The following ASIC2 variants were observed in gnomAD, a reference collection of about 807,000 sequenced individuals.
ASIC2 encodes the protein acid-sensing ion channel 2.
Under a neutral mutation model 57.3 loss-of-function variants are expected in ASIC2, and 25 were observed. That is an observed-to-expected ratio of 0.44 (90% CI 0.32 to 0.61). ASIC2 has a LOEUF of 0.61. Among genes scored for constraint, ASIC2 ranks in the 20% least tolerant of loss-of-function variants. The pLI is 0.06. For synonymous variants in ASIC2, 319 were observed against 307.5 expected (o/e 1.04, Z -0.39); for missense variants, 641 against 738.1 (o/e 0.87, Z 1.52).
intron 1 of ASIC2, among the ~76,000 whole-genome samples, chr17:34,042,208 C>G (rs956965332): frequency 2.0e-5 from 3 of 152,140 alleles, no homozygotes; most frequent in African/African-American, 7.2e-5. Flanking sequence ...TATGACACAG[C>G]CCTTTCACCT....
At chr17:33,307,295 CTT>C (rs1906223693) in intron 1 of ASIC2, among the ~76,000 whole-genome samples, 1 of 151,156 alleles carries the variant, frequency 6.6e-6, no homozygotes, top group African/African-American at 2.4e-5. Context: ...TCTTCTTCTT[CTT>C]CTTCTTCTTT....
chr17:34,024,635 T>C (rs78926453), intron 1 of ASIC2, among the ~76,000 whole-genome samples: 264 of 152,350 alleles, frequency 1.7e-3, no homozygotes, highest in African/African-American at 6.2e-3. Context: ...TGGGTTTCCA[T>C]TGCCTGTTTC....
intron 1 of ASIC2, among the ~76,000 whole-genome samples, chr17:33,662,994 T>C (rs1907341863): frequency 1.3e-5 from 2 of 152,302 alleles, no homozygotes; most frequent in Non-Finnish European, 2.9e-5. Flanking sequence ...GTGGCCTTTT[T>C]GCTGACTCTT....
intron 1 of ASIC2, among the ~76,000 whole-genome samples, chr17:34,117,568 T>A (rs541432324): frequency 6.6e-6 from 1 of 152,200 alleles, no homozygotes; most frequent in Admixed American, 6.5e-5. Flanking sequence ...GAACCTGGGG[T>A]CCAGACTGGG....
rs1371585830 is a variant in ASIC2 at position 33,464,454 on chromosome 17, T to C, written c.556-352387A>G. ...CTACATCATTCTACACATGCCTCTT[T>C]TTCTCTTTCTTTCTTTCTTTCTTTT... On this transcript the variant is annotated intron_variant, in intron 1 of 9. Coordinates refer to the ASIC2 transcript ENST00000359872. Among the ~76,000 whole-genome samples, 4 of 59,114 alleles carry C rather than the reference T, an allele frequency of 6.8e-5. No individual in the cohort carries two copies. In the East Asian group the frequency reaches 1.3e-3, roughly 20 times the overall value. The allele number at this position is 59,114 out of a possible 152,430, so 38.8% of individuals were successfully genotyped here.
intron 1 of ASIC2, among the ~76,000 whole-genome samples, chr17:33,464,681 CTCTCTCTATA>C (rs1405560550): frequency 3.9e-5 from 4 of 103,896 alleles, no homozygotes; most frequent in Admixed American, 9.7e-5. Context: ...CTCTCTCTCT[CTCTCTCTATA>C]TATATATATA....
At chr17:33,343,177 G>T (rs1468358209) in intron 1 of ASIC2, among the ~76,000 whole-genome samples, 2 of 152,154 alleles carry the variant, frequency 1.3e-5, no homozygotes, top group African/African-American at 2.4e-5. Flanking sequence ...GAGCCCAGAT[G>T]GGTCCTGCCC....
At chr17:33,668,062 T>C (rs1242618975) in intron 1 of ASIC2, among the ~76,000 whole-genome samples, 1 of 152,124 alleles carries the variant, frequency 6.6e-6, no homozygotes, top group Non-Finnish European at 1.5e-5. Context: ...CACCGCCATT[T>C]TGCATACATA....
chr17:33,465,378 T>C (rs542008374), intron 1 of ASIC2, among the ~76,000 whole-genome samples: 8 of 146,854 alleles, frequency 5.4e-5, no homozygotes, highest in African/African-American at 1.3e-4. Flanking sequence ...TTTTCTTTTT[T>C]TTTTTTTTTT....
chr17:33,719,732 T>C (rs1909330210), intron 1 of ASIC2, among the ~76,000 whole-genome samples: 1 of 152,146 alleles, frequency 6.6e-6, no homozygotes, highest in South Asian at 2.1e-4. Context: ...GGCAAGAAGA[T>C]TGGCTTCTCA....
At chr17:34,067,242 G>A (rs1466594090) in intron 1 of ASIC2, among the ~76,000 whole-genome samples, 1 of 152,180 alleles carries the variant, frequency 6.6e-6, no homozygotes, top group Admixed American at 6.5e-5. Context: ...GTCCTTTGTA[G>A]TGGTAAGTGT....
At chr17:33,889,088 G>A (rs1398749343) in intron 1 of ASIC2, among the ~76,000 whole-genome samples, 1 of 152,160 alleles carries the variant, frequency 6.6e-6, no homozygotes, top group African/African-American at 2.4e-5. Flanking sequence ...CCTCCTAGGA[G>A]CCTGTTCAGT....
At chr17:33,200,814 A>G (rs912926593) in intron 1 of ASIC2, among the ~76,000 whole-genome samples, 3 of 152,056 alleles carry the variant, frequency 2.0e-5, no homozygotes, top group Non-Finnish European at 2.9e-5. Context: ...CAATCCTCCA[A>G]TGACTCTCCA....
In ASIC2 at chr17:33,425,919, C is replaced by T. The variant is rs141375218; in HGVS notation, c.556-313852G>A. On this transcript the variant is annotated intron_variant, in intron 1 of 9. Coordinates refer to the ASIC2 transcript ENST00000359872. Reference sequence around the variant, plus strand: ...CCTGCCCCTAGGAGACCCGGTCAGGCGCAGCGCCAACAAAAATGGCTGTAG... The same window carrying T: ...CCTGCCCCTAGGAGACCCGGTCAGGTGCAGCGCCAACAAAAATGGCTGTAG... Among the ~76,000 whole-genome samples, 627 of 152,148 alleles carry T rather than the reference C, an allele frequency of 4.1e-3. 2 individuals are homozygous for T. Among genetic ancestry groups the T allele is most frequent in the South Asian group, 6.9e-3 (33 of 4,798 alleles).
chr17:34,131,703 A>G (rs1332695220), intron 1 of ASIC2, among the ~76,000 whole-genome samples: 1 of 152,208 alleles, frequency 6.6e-6, no homozygotes, highest in Non-Finnish European at 1.5e-5. Context: ...CAAAGGAGAA[A>G]TATTTCAGTC....
At chr17:33,260,001 G>A (rs955102664) in intron 1 of ASIC2, among the ~76,000 whole-genome samples, 24 of 152,166 alleles carry the variant, frequency 1.6e-4, no homozygotes, top group Admixed American at 2.0e-4. Flanking sequence ...GGCTGAGTGC[G>A]GTGGTGCACG....
chr17:33,386,572 C>G (rs1909684917), intron 1 of ASIC2, among the ~76,000 whole-genome samples: 1 of 152,172 alleles, frequency 6.6e-6, no homozygotes, highest in Non-Finnish European at 1.5e-5. Context: ...ACTGCCACCT[C>G]TCTGAGCTGC....
At chr17:33,874,704 T>G (rs543803150) in intron 1 of ASIC2, among the ~76,000 whole-genome samples, 2 of 152,318 alleles carry the variant, frequency 1.3e-5, no homozygotes, top group African/African-American at 4.8e-5. Context: ...ATCCCCACCC[T>G]CCTTTGCTGG....
chr17:33,121,319 C>G (rs2092301363), intron 1 of ASIC2, among the ~76,000 whole-genome samples: 1 of 152,166 alleles, frequency 6.6e-6, no homozygotes, highest in South Asian at 2.1e-4. Flanking sequence ...CAGACATGAG[C>G]CACCCTTTAG....
Sources: gnomAD v4.1 joint callset for allele counts (sites outside exome capture counted in the v4.1 genomes callset) on GRCh38, gnomAD v4.1.1 for gene constraint, MANE v1.5 for transcripts, NCBI Gene and HGNC (gene_info 2026-07-23, HGNC 2026-07-21) for gene names.